The following TTC39B variants were observed in gnomAD, a reference collection of about 807,000 sequenced individuals.
The protein encoded by TTC39B is tetratricopeptide repeat domain 39B.
Under a neutral mutation model 96.6 loss-of-function variants are expected in TTC39B, and 92 were observed. That is an observed-to-expected ratio of 0.95 (90% CI 0.80 to 1.13). The LOEUF is 1.13. Among genes scored for constraint, TTC39B ranks in the 50% most tolerant of loss-of-function variants. The pLI is 0.00. For synonymous variants in TTC39B, 367 were observed against 299.4 expected (o/e 1.23, Z -2.33); for missense variants, 955 against 809.3 (o/e 1.18, Z -2.18).
At chr9:15,226,275 G>T (rs138738420) in intron 2 of TTC39B, among the ~76,000 whole-genome samples, 1 of 152,228 alleles carries the variant, frequency 6.6e-6, no homozygotes, top group East Asian at 1.9e-4. Context: ...TCCACCCAAA[G>T]ATAGGATTGT....
chr9:15,245,335 C>G (rs1004169998), intron 2 of TTC39B, among the ~76,000 whole-genome samples: 1 of 152,080 alleles, frequency 6.6e-6, no homozygotes, highest in African/African-American at 2.4e-5. Context: ...GAAAAACAAA[C>G]AAAACTGAAG....
chr9:15,204,510 C>T (rs2131322122), intron 6 of TTC39B, among the ~76,000 whole-genome samples: 1 of 148,248 alleles, frequency 6.7e-6, no homozygotes, highest in East Asian at 2.0e-4. Context: ...GCCCGGGCAA[C>T]AAGAGTGAAA....
intron 8 of TTC39B, among the ~76,000 whole-genome samples, chr9:15,197,907 G>A (rs1819269030): frequency 6.6e-6 from 1 of 151,996 alleles, no homozygotes; most frequent in South Asian, 2.1e-4. Context: ...AGCTTGAAAA[G>A]AAAAAGTAAA....
Position 15,171,964 on chromosome 9 carries a change from A to G in TTC39B, c.*55T>C. 2.9e-6 allele frequency: 4 copies of G among 1,356,864 alleles called. 1 individual carries two copies. The South Asian group carries it at 4.8e-5, about 16-fold the overall frequency. 84.1% of individuals were successfully genotyped at this position (1,356,864 alleles called of 1,614,324 possible). A position where few individuals can be genotyped will look rare whatever the true frequency, so the allele number is the denominator to read the frequency against. On this transcript the variant is annotated 3_prime_UTR_variant, in exon 20 of 20. Transcript: ENST00000512701. ...TTTTTCCACTTTAATATAAGGTTGA[A>G]TCTATAGCAGATGCCGATGCTAATT...
chr9:15,175,185 A>G (rs1391925644), intron 18 of TTC39B, 50 bp from the exon 19 acceptor site: 1 of 1,250,582 alleles, frequency 8.0e-7, no homozygotes, highest in Non-Finnish European at 1.2e-6. Context: ...CAAGAAATAC[A>G]CATTTTTCTA....
chr9:15,209,872 C>G (rs1290191008), intron 6 of TTC39B, among the ~76,000 whole-genome samples: 2 of 152,016 alleles, frequency 1.3e-5, no homozygotes, highest in African/African-American at 4.8e-5. Context: ...TGAGCAACAA[C>G]AAAAACCTTA....
At chr9:15,165,389 C>T (rs1442747966) in exon 20 of TTC39B, 1 of 151,948 alleles carries the variant, frequency 6.6e-6, no homozygotes, top group Non-Finnish European at 1.5e-5. Flanking sequence ...TTTATTATCC[C>T]CAAAATTGCT....
intron 2 of TTC39B, among the ~76,000 whole-genome samples, chr9:15,255,689 C>T (rs1429212634): frequency 3.9e-5 from 6 of 152,140 alleles, no homozygotes; most frequent in Admixed American, 3.9e-4. Context: ...ATGCAAACGT[C>T]AAGTGAAAAC....
chr9:15,176,543 G>T (rs1220503402), intron 18 of TTC39B, among the ~76,000 whole-genome samples: 2 of 152,154 alleles, frequency 1.3e-5, no homozygotes, highest in African/African-American at 4.8e-5. Flanking sequence ...ACAGAGCACA[G>T]GATGTCCACC....
chr9:15,166,470 C>G (rs1311725326), exon 20 of TTC39B: 1 of 152,226 alleles, frequency 6.6e-6, no homozygotes. Flanking sequence ...TCATTTCTTT[C>G]TGCAGTTATG....
At chr9:15,189,614 T>C in exon 13 of TTC39B, 2 of 1,614,108 alleles carry the variant, frequency 1.2e-6, no homozygotes, top group South Asian at 1.1e-5. Context: ...TCGGGCATGA[T>C]AAAACAACAC....
At chr9:15,215,535 C>A (rs531554296) in intron 3 of TTC39B, among the ~76,000 whole-genome samples, 1 of 151,252 alleles carries the variant, frequency 6.6e-6, no homozygotes, top group Admixed American at 6.6e-5. Flanking sequence ...CCAGCCTGGG[C>A]GACAAGAGTG....
Position 15,232,140 on chromosome 9 carries a change from AACAGAGGTCTCATC to A in TTC39B, c.276-6142_276-6129del, listed in dbSNP as rs771623218. The A allele has an allele frequency of 9.8e-4, 150 of 152,868 alleles. 1 individual carries two copies. The highest frequency in any genetic ancestry group is 1.7e-3 in the Non-Finnish European group (113 of 68,170). 9.5% of individuals were successfully genotyped at this position (152,868 alleles called of 1,614,324 possible). ...CTCTGTCCAGCTCATCACCTGAAAC[AACAGAGGTCTCATC>A]ACAGTAAATAAAAATCAAGTATATA... On this transcript the variant is annotated intron_variant, in intron 2 of 19. Transcript: ENST00000512701.
chr9:15,238,435 T>C (rs551496701), intron 2 of TTC39B, among the ~76,000 whole-genome samples: 7 of 152,122 alleles, frequency 4.6e-5, no homozygotes, highest in Non-Finnish European at 7.4e-5. Context: ...GATAAACAAC[T>C]TCAGTAAAGA....
At chr9:15,163,683 G>C (rs1361887089) in exon 20 of TTC39B, 1 of 152,120 alleles carries the variant, frequency 6.6e-6, no homozygotes, top group Non-Finnish European at 1.5e-5. Context: ...ACCAGTTGTA[G>C]CAATATAAAA....
chr9:15,272,574 T>C (rs1823396211), intron 1 of TTC39B, among the ~76,000 whole-genome samples: 1 of 152,212 alleles, frequency 6.6e-6, no homozygotes, highest in East Asian at 1.9e-4. Context: ...GCTACTACTG[T>C]AGGGCCTGGT....
chr9:15,256,157 G>A (rs79248425), intron 2 of TTC39B, among the ~76,000 whole-genome samples: 7,536 of 152,144 alleles, frequency 0.05, 629 homozygotes, highest in African/African-American at 0.17. Flanking sequence ...AAGCTTGAGG[G>A]AGTCTCTTTG....
chr9:15,211,425 T>C, intron 4 of TTC39B, 28 bp from the exon 5 acceptor site: 1 of 1,446,746 alleles, frequency 6.9e-7, no homozygotes, highest in Non-Finnish European at 9.1e-7. Context: ...AATTCAGACA[T>C]TTTAATTCAA....
chr9:15,295,151 T>G (rs1206207991), intron 1 of TTC39B, among the ~76,000 whole-genome samples: 1 of 152,000 alleles, frequency 6.6e-6, no homozygotes, highest in Non-Finnish European at 1.5e-5. Flanking sequence ...CCCCAGAAGG[T>G]CAGAAGTTTG....
Sources: gnomAD v4.1 joint callset for allele counts (sites outside exome capture counted in the v4.1 genomes callset) on GRCh38, gnomAD v4.1.1 for gene constraint, MANE v1.5 for transcripts, NCBI Gene and HGNC (gene_info 2026-07-23, HGNC 2026-07-21) for gene names.